Variants in PCDHB2 observed in about 807,000 individuals in gnomAD.
PCDHB2 encodes the protein protocadherin beta-2.
For synonymous variants in PCDHB2, 395 were observed against 464.9 expected, an observed-to-expected ratio of 0.85 and a Z score of 1.93; for missense variants, 914 against 1,023.1, an observed-to-expected ratio of 0.89 and a Z score of 1.45.
At position 141,094,986 on chromosome 5, in the gene PCDHB2, G is replaced by T. The variant is rs533374341; in HGVS notation, c.196G>T (p.Ala66Ser). 4 of 1,613,148 alleles carry T rather than the reference G, an allele frequency of 2.5e-6. No homozygotes were observed. Among genetic ancestry groups the T allele is most frequent in the Non-Finnish European group, 3.4e-6 (4 of 1,179,660 alleles). ...GATAGGAGAACTTGCTGTGAGGGGG[G>T]CCAGGGTCGTTTCCAAAGGAAAAAA... is the stretch of plus-strand genomic sequence containing the variant. ...LEIGELAVRG[A>S]RVVSKGKKMH... is the part of the protein sequence containing the mutation. The change falls in exon 1 of 1, where the codon GCC (alanine) becomes TCC (serine). Residue 66 changes from alanine (A) to serine (S), a missense_variant. Coordinates refer to ENST00000194155, the MANE Select transcript of PCDHB2 (RefSeq NM_018936.4).
chr5:141,097,337 GT>G lies in PCDHB2; in HGVS notation c.*157del, dbSNP rs541052413. 2.5e-3 allele frequency: 2,127 copies of G among 849,820 alleles called. 5 individuals carry two copies. Among genetic ancestry groups the G allele is most frequent in the Non-Finnish European group, 3.4e-3 (1,953 of 578,808 alleles). 52.6% of individuals were successfully genotyped at this position (849,820 alleles called of 1,614,324 possible). A position where few individuals can be genotyped will look rare whatever the true frequency, so the allele number is the denominator to read the frequency against. On this transcript the variant is annotated 3_prime_UTR_variant, in exon 1 of 1. Coordinates refer to ENST00000194155, the MANE Select transcript of PCDHB2 (RefSeq NM_018936.4). ...GTTACTGGTATTTATAAATGTATGA[GT>G]TTTTTTGCGGTATAATAAATGTAAA...
rs368012818 is a variant in PCDHB2 at position 141,094,837 on chromosome 5, T to A, written c.47T>A (p.Val16Asp). 6.3e-7 allele frequency: 1 copy of A among 1,597,510 alleles called. No homozygotes were observed. Among genetic ancestry groups the A allele is most frequent in the African/African-American group, 1.4e-5 (1 of 73,934 alleles). Reference protein sequence around the residue: ...GKERVPKQRQVLIFFVLLGIA... With the variant: ...GKERVPKQRQDLIFFVLLGIA... ...GAGCGCGTTCCGAAACAAAGGCAAG[T>A]CCTGATATTCTTTGTTTTGCTGGGC... The change falls in exon 1 of 1, where the codon GTC (valine) becomes GAC (aspartate). Residue 16 changes from valine to aspartate, a missense_variant. Coordinates refer to ENST00000194155, the MANE Select transcript of PCDHB2 (RefSeq NM_018936.4).
In PCDHB2 at chr5:141,098,619, A is replaced by G. The variant is rs1751878725; in HGVS notation, c.*1432A>G. 1 of 152,208 alleles carries G rather than the reference A, an allele frequency of 6.6e-6. No homozygotes were observed. The highest frequency in any genetic ancestry group is 6.5e-5 in the Admixed American group (1 of 15,286). 9.4% of individuals were successfully genotyped at this position (152,208 alleles called of 1,614,324 possible). On this transcript the variant is annotated 3_prime_UTR_variant, in exon 1 of 1. Coordinates refer to ENST00000194155, the MANE Select transcript of PCDHB2 (RefSeq NM_018936.4). ...CACTGGAATATTATAGGCTCTTAAT[A>G]AAATTTTTGAATGATTGAAAGAGAG...
At position 141,097,215 on chromosome 5, in the gene PCDHB2, T is replaced by A; in HGVS notation, c.*28T>A. The A allele has an allele frequency of 1.3e-6, 2 of 1,562,496 alleles. No individual in the cohort carries two copies. The highest frequency in any genetic ancestry group is 1.7e-6 in the Non-Finnish European group (2 of 1,155,232). ...GTTAATAAGGATCTACTGAGGCTAG[T>A]CTCGTTTAATTTGTGGAAAGTCCTT... On this transcript the variant is annotated 3_prime_UTR_variant, in exon 1 of 1. Coordinates refer to ENST00000194155, the MANE Select transcript of PCDHB2 (RefSeq NM_018936.4).
In PCDHB2 at chr5:141,095,187, C is replaced by G. The variant is rs781853642; in HGVS notation, c.397C>G (p.Pro133Ala). The change falls in exon 1 of 1, where the codon CCA (proline) becomes GCA (alanine). Residue 133 changes from proline to alanine, a missense_variant. By Grantham distance (27) the Pro-to-Ala change is conservative. Transcript: ENST00000194155. Reference sequence around the variant, plus strand: ...GATTAGGGACGTAAATGATCATTCCCCAGTTTTCCTAGACAAAGAAATACT... The same window carrying G: ...GATTAGGGACGTAAATGATCATTCCGCAGTTTTCCTAGACAAAGAAATACT... Reference protein sequence around the residue: ...LRIRDVNDHSPVFLDKEILLK... With the variant: ...LRIRDVNDHSAVFLDKEILLK... 1 of 1,610,028 alleles carries G rather than the reference C, an allele frequency of 6.2e-7. No individual in the cohort carries two copies. Among genetic ancestry groups the G allele is most frequent in the East Asian group, 2.2e-5 (1 of 44,816 alleles).
rs13175548 is a variant in PCDHB2 at position 141,096,789 on chromosome 5, G to C, written c.1999G>C (p.Gly667Arg). The change falls in exon 1 of 1, where the codon GGC (glycine) becomes CGC (arginine). Residue 667 changes from glycine (G) to arginine (R), a missense_variant. Transcript: ENST00000194155. ...CACGCTGCACGTGCTCCTGGTGGAC[G>C]GCTTCTCCCAGCCCTACCTGCTGCT... Reference protein sequence around the residue: ...TATLHVLLVDGFSQPYLLLPE... With the variant: ...TATLHVLLVDRFSQPYLLLPE... The C allele has an allele frequency of 6.2e-7, 1 of 1,610,204 alleles. No homozygotes were observed. Among genetic ancestry groups the C allele is most frequent in the Non-Finnish European group, 8.5e-7 (1 of 1,179,688 alleles).
Position 141,096,829 on chromosome 5 carries a change from C to T in PCDHB2, c.2039C>T (p.Pro680Leu). 1 of 1,610,738 alleles carries T rather than the reference C, an allele frequency of 6.2e-7. No individual in the cohort carries two copies. The highest frequency in any genetic ancestry group is 8.5e-7 in the Non-Finnish European group (1 of 1,179,762). ...TACCTGCTGCTCCCGGAGGCGGCAC[C>T]GGCCCAGGCCCAGGCCGACTTGCTC... Reference protein sequence around the residue: ...QPYLLLPEAAPAQAQADLLTV... With the variant: ...QPYLLLPEAALAQAQADLLTV... Residue 680 changes from proline (P) to leucine (L), a missense_variant, in exon 1 of 1, where the codon CCG (proline) becomes CTG (leucine). Physicochemically the swap from Pro to Leu is moderately conservative, Grantham distance 98. Coordinates refer to ENST00000194155, the MANE Select transcript of PCDHB2 (RefSeq NM_018936.4).
chr5:141,094,904 C>T lies in PCDHB2; in HGVS notation c.114C>T (p.Ala38=), dbSNP rs142513918. Residue 38 remains alanine (A), a synonymous_variant, in exon 1 of 1, where the codon GCC becomes GCT. Coordinates refer to ENST00000194155, the MANE Select transcript of PCDHB2 (RefSeq NM_018936.4). The part of the protein sequence containing the change: ...ASCQPRHYSV[A]EETESGSFVA... ...GCCAGCCTAGGCACTATTCAGTGGC[C>T]GAGGAAACGGAGAGTGGCTCCTTTG... 2.6e-5 allele frequency: 42 copies of T among 1,614,030 alleles called. No individual in the cohort carries two copies. The African/African-American group carries it at 4.5e-4, about 17-fold the overall frequency.
In PCDHB2 at chr5:141,094,676, G is replaced by C. The variant is rs781833722; in HGVS notation, c.-115G>C. 62 of 831,216 alleles carry C rather than the reference G, an allele frequency of 7.5e-5. No homozygotes were observed. The highest frequency in any genetic ancestry group is 9.1e-6 in the Non-Finnish European group (5 of 550,054). The allele number at this position is 831,216 out of a possible 1,614,324, so 51.5% of individuals were successfully genotyped here. Reference sequence around the variant, plus strand: ...AGGCTTTCTAAGGCGGTCGCTCCGGGAAATCCGGGCCCTAGGATTGTCCAC... The same window carrying C: ...AGGCTTTCTAAGGCGGTCGCTCCGGCAAATCCGGGCCCTAGGATTGTCCAC... On this transcript the variant is annotated 5_prime_UTR_variant, in exon 1 of 1. Coordinates refer to ENST00000194155, the MANE Select transcript of PCDHB2 (RefSeq NM_018936.4).
In PCDHB2 at chr5:141,098,120, G is replaced by A. The variant is rs1751871510; in HGVS notation, c.*933G>A. ...ATCATAAGTGCTCTAATAAATTTTT[G>A]TCAAAAGTCAATCATTAATATTCAA... On this transcript the variant is annotated 3_prime_UTR_variant, in exon 1 of 1. Transcript: ENST00000194155. The A allele has an allele frequency of 6.6e-6, 1 of 152,144 alleles. No individual in the cohort carries two copies. Among genetic ancestry groups the A allele is most frequent in the Non-Finnish European group, 1.5e-5 (1 of 68,024 alleles). 9.4% of individuals were successfully genotyped at this position (152,144 alleles called of 1,614,324 possible).
In PCDHB2 at chr5:141,096,964, G is replaced by T; in HGVS notation, c.2174G>T (p.Gly725Val). Residue 725 changes from glycine (G) to valine (V), a missense_variant, in exon 1 of 1, where the codon GGT (glycine) becomes GTT (valine). Coordinates refer to ENST00000194155, the MANE Select transcript of PCDHB2 (RefSeq NM_018936.4). The part of the protein sequence containing the change: ...LCRRSRAASV[G>V]RCSVPEGPFP... Reference sequence around the variant, plus strand: ...AGGAGGAGCAGGGCGGCCTCGGTGGGTCGCTGCTCGGTGCCCGAGGGCCCC... The same window carrying T: ...AGGAGGAGCAGGGCGGCCTCGGTGGTTCGCTGCTCGGTGCCCGAGGGCCCC... The T allele has an allele frequency of 6.2e-7, 1 of 1,612,480 alleles. No individual in the cohort carries two copies. Among genetic ancestry groups the T allele is most frequent in the Non-Finnish European group, 8.5e-7 (1 of 1,179,866 alleles).
At position 141,096,456 on chromosome 5, in the gene PCDHB2, G is replaced by A. The variant is rs573869257; in HGVS notation, c.1666G>A (p.Ala556Thr). 1.8e-4 allele frequency: 296 copies of A among 1,611,176 alleles called. 1 individual carries two copies. The South Asian group carries it at 2.4e-3, about 13-fold the overall frequency. Reference sequence around the variant, plus strand: ...GCTGGTGCGCGTGCTGGTGCTGGACGCCAACGACAACTCGCCCTTCGTGCT... The same window carrying A: ...GCTGGTGCGCGTGCTGGTGCTGGACACCAACGACAACTCGCCCTTCGTGCT... ...EALVRVLVLD[A>T]NDNSPFVLYP... Residue 556 changes from alanine (A) to threonine (T), a missense_variant, in exon 1 of 1, where the codon GCC (alanine) becomes ACC (threonine). Transcript: ENST00000194155.
At position 141,095,803 on chromosome 5, in the gene PCDHB2, A is replaced by C. The variant is rs927596964; in HGVS notation, c.1013A>C (p.Gln338Pro). The C allele has an allele frequency of 6.2e-7, 1 of 1,614,068 alleles. No homozygotes were observed. Among genetic ancestry groups the C allele is most frequent in the Admixed American group, 1.7e-5 (1 of 60,002 alleles). ...TCTGGAACTTGTGTGGTATTTGTCC[A>C]AGTGATGGATTTGAATGACAATCCT... is the stretch of plus-strand genomic sequence containing the variant. ...GLSGTCVVFV[Q>P]VMDLNDNPPE... The change falls in exon 1 of 1, where the codon CAA becomes CCA. Residue 338 changes from glutamine to proline, a missense_variant. Gln to Pro is a moderately conservative substitution (Grantham distance 76). Transcript: ENST00000194155.
chr5:141,098,490 AT>A lies in PCDHB2; in HGVS notation c.*1308del, dbSNP rs1327104883. On this transcript the variant is annotated 3_prime_UTR_variant, in exon 1 of 1. Coordinates refer to ENST00000194155, the MANE Select transcript of PCDHB2 (RefSeq NM_018936.4). ...CTATTTTTTTGCACTGACTACTTCT[AT>A]TTTTCCCCCTTTCATTTCCCTAGAC... The A allele has an allele frequency of 1.4e-4, 22 of 152,008 alleles. No homozygotes were observed. The highest frequency in any genetic ancestry group is 1.4e-3 in the Admixed American group (22 of 15,262). The allele number at this position is 152,008 out of a possible 1,614,324, so 9.4% of individuals were successfully genotyped here.
chr5:141,095,819 T>C lies in PCDHB2; in HGVS notation c.1029T>C (p.Asn343=). 6.2e-7 allele frequency: 1 copy of C among 1,614,196 alleles called. No homozygotes were observed. The highest frequency in any genetic ancestry group is 8.5e-7 in the Non-Finnish European group (1 of 1,180,046). Residue 343 remains asparagine, a synonymous_variant, in exon 1 of 1, where the codon AAT becomes AAC. Coordinates refer to ENST00000194155, the MANE Select transcript of PCDHB2 (RefSeq NM_018936.4). ...CVVFVQVMDL[N]DNPPELTMST... is the part of the protein sequence containing the mutation. ...TATTTGTCCAAGTGATGGATTTGAA[T>C]GACAATCCTCCGGAACTAACTATGT...
At position 141,096,968 on chromosome 5, in the gene PCDHB2, C is replaced by T. The variant is rs1554271693; in HGVS notation, c.2178C>T (p.Arg726=). The T allele has an allele frequency of 1.2e-6, 2 of 1,612,656 alleles. No individual in the cohort carries two copies. Among genetic ancestry groups the T allele is most frequent in the African/African-American group, 2.7e-5 (2 of 74,892 alleles). ...GGAGCAGGGCGGCCTCGGTGGGTCG[C>T]TGCTCGGTGCCCGAGGGCCCCTTTC... ...CRRSRAASVG[R]CSVPEGPFPG... The change falls in exon 1 of 1, where the codon CGC becomes CGT. Residue 726 remains arginine, a synonymous_variant. Transcript: ENST00000194155.
In PCDHB2 at chr5:141,095,242, GA is replaced by G. The variant is rs781820514; in HGVS notation, c.454del (p.Thr152LeufsTer4). 6 of 1,613,764 alleles carry G rather than the reference GA, an allele frequency of 3.7e-6. No homozygotes were observed. The African/African-American group carries it at 8.0e-5, about 22-fold the overall frequency. On this transcript the variant is annotated frameshift_variant, in exon 1 of 1. Coordinates refer to ENST00000194155, the MANE Select transcript of PCDHB2 (RefSeq NM_018936.4). LOFTEE classifies it low-confidence loss of function (END_TRUNC). ...AAAATTCCAGAAAGTATCACTCCTG[GA>G]ACTACTTTCTTAATAGAACGTGCCC... ...LLKIPESITP[G>X]TTFLIERAQD...
In PCDHB2 at chr5:141,096,053, C is replaced by T. The variant is rs1330698781; in HGVS notation, c.1263C>T (p.Ile421=). Residue 421 remains isoleucine, a synonymous_variant, in exon 1 of 1, where the codon ATC becomes ATT. Transcript: ENST00000194155. ...GGGAGACCAGATCCGAATACAACAT[C>T]ACCATCACCGTCACCGACTTCGGGA... The part of the protein sequence containing the change: ...LDRETRSEYN[I]TITVTDFGTP... 2.5e-6 allele frequency: 4 copies of T among 1,613,950 alleles called. No homozygotes were observed. The highest frequency in any genetic ancestry group is 3.4e-6 in the Non-Finnish European group (4 of 1,179,944).
chr5:141,095,768 TG>T lies in PCDHB2; in HGVS notation c.983del (p.Gly328AlafsTer12). On this transcript the variant is annotated frameshift_variant, in exon 1 of 1. Coordinates refer to ENST00000194155, the MANE Select transcript of PCDHB2 (RefSeq NM_018936.4). LOFTEE classifies it low-confidence loss of function (END_TRUNC). The part of the protein sequence containing the change: ...YTVNIQATDG[G>X]GLSGTCVVFV... ...CAGTAAATATTCAGGCGACAGATGG[TG>T]GGGGCCTATCTGGAACTTGTGTGGT... is the stretch of plus-strand genomic sequence containing the variant. 6.2e-7 allele frequency: 1 copy of T among 1,614,162 alleles called. No individual in the cohort carries two copies. The highest frequency in any genetic ancestry group is 1.7e-5 in the Admixed American group (1 of 60,018).
Sources: allele counts gnomAD v4.1 joint callset, GRCh38; gene constraint gnomAD v4.1.1; transcripts MANE v1.5; gene names NCBI Gene and HGNC (gene_info 2026-07-23, HGNC 2026-07-21).